ZDHHC2: variants seen among roughly 807,000 people sequenced by gnomAD.
The protein encoded by ZDHHC2 is palmitoyltransferase ZDHHC2.
A neutral mutation model predicts 55.6 loss-of-function variants in ZDHHC2; 51 were observed. The observed-to-expected ratio is 0.92, with a 90% CI of 0.73 to 1.16. The LOEUF is 1.16. Among genes scored for constraint, ZDHHC2 ranks in the 50% most tolerant of loss-of-function variants. The pLI is 0.00. For missense variants in ZDHHC2, 491 were observed against 442.4 expected (o/e 1.11, Z -0.99); for synonymous variants, 199 against 152.9 (o/e 1.30, Z -2.22).
At position 17,221,664 on chromosome 8, in the gene ZDHHC2, A is replaced by G. The variant is rs1004602966; in HGVS notation, c.*1443A>G. 1 of 152,528 alleles carries G rather than the reference A, an allele frequency of 6.6e-6. No homozygotes were observed. Among genetic ancestry groups the G allele is most frequent in the Non-Finnish European group, 1.5e-5 (1 of 67,938 alleles). 9.4% of individuals were successfully genotyped at this position (152,528 alleles called of 1,614,324 possible). A position where few individuals can be genotyped will look rare whatever the true frequency, so the allele number is the denominator to read the frequency against. On this transcript the variant is annotated 3_prime_UTR_variant, in exon 13 of 13. Transcript: ENST00000262096. ...GCAATTACTTATCCTTCCTAAAAAT[A>G]TAGTTTTATATTAATTGTGCTTATG...
intron 10 of ZDHHC2, among the ~76,000 whole-genome samples, chr8:17,213,483 C>T (rs757370153): frequency 6.6e-6 from 1 of 152,104 alleles, no homozygotes; most frequent in Non-Finnish European, 1.5e-5. Flanking sequence ...AACTTCCTGA[C>T]CTCAAGTGAT....
At chr8:17,186,642 G>A (rs527491193) in intron 3 of ZDHHC2, among the ~76,000 whole-genome samples, 25 of 152,256 alleles carry the variant, frequency 1.6e-4, no homozygotes, top group Admixed American at 8.5e-4. Flanking sequence ...TATTGAATCT[G>A]TTATGAATTC....
At chr8:17,191,400 T>C (rs948010209) in intron 3 of ZDHHC2, among the ~76,000 whole-genome samples, 6 of 152,188 alleles carry the variant, frequency 3.9e-5, no homozygotes, top group Non-Finnish European at 8.8e-5. Flanking sequence ...CCCAGCCTTA[T>C]TCATTCTTTC....
At chr8:17,211,950 T>C (rs1563169626) in intron 10 of ZDHHC2, among the ~76,000 whole-genome samples, 1 of 152,206 alleles carries the variant, frequency 6.6e-6, no homozygotes, top group African/African-American at 2.4e-5. Flanking sequence ...TTTATAATAC[T>C]TTTTTGCCCT....
intron 1 of ZDHHC2, among the ~76,000 whole-genome samples, chr8:17,163,231 C>T (rs560547504): frequency 1.1e-4 from 16 of 152,310 alleles, no homozygotes; most frequent in South Asian, 2.1e-4. Flanking sequence ...GCCTGGCAGC[C>T]GGTCACCACA....
At chr8:17,196,299 T>C (rs1371822883) in intron 4 of ZDHHC2, among the ~76,000 whole-genome samples, 1 of 152,160 alleles carries the variant, frequency 6.6e-6, no homozygotes, top group African/African-American at 2.4e-5. Context: ...CATGTGGCTG[T>C]TGAGCGCTTG....
At chr8:17,219,509 C>T (rs929554559) in intron 12 of ZDHHC2, among the ~76,000 whole-genome samples, 3 of 152,024 alleles carry the variant, frequency 2.0e-5, no homozygotes, top group South Asian at 2.1e-4. Context: ...GTAATTTCAG[C>T]ACTTGCGGAG....
Position 17,209,922 on chromosome 8 carries a change from C to CT in ZDHHC2, c.731-3dup, listed in dbSNP as rs1035397187. ...TTTACTCATGTGATTCCTTTACCAT[C>CT]TTTTTTTAGAGGCATTCAGAAGTCC... On this transcript the variant is annotated splice_polypyrimidine_tract_variant and intron_variant, in intron 8 of 12. Coordinates refer to ENST00000262096, the MANE Select transcript of ZDHHC2 (RefSeq NM_016353.5). 13 of 1,602,672 alleles carry CT rather than the reference C, an allele frequency of 8.1e-6. No homozygotes were observed. In the African/African-American group the frequency reaches 1.6e-4, roughly 20 times the overall value.
intron 1 of ZDHHC2, among the ~76,000 whole-genome samples, chr8:17,183,939 G>A (rs138160787): frequency 1.4e-3 from 216 of 152,204 alleles, no homozygotes; most frequent in African/African-American, 4.7e-3. Context: ...TCTGGTTCCA[G>A]GCTTCAGAAG....
At chr8:17,164,826 T>TTCTTATGTACAGATAAAAAGA (rs1177969335) in intron 1 of ZDHHC2, among the ~76,000 whole-genome samples, 51 of 152,342 alleles carry the variant, frequency 3.3e-4, no homozygotes, top group African/African-American at 1.2e-3. Flanking sequence ...TAAAATTAAA[T>TTCTTATGTACAGATAAAAAGA]TCTGTCTCTG....
rs1037808418 is a variant in ZDHHC2, at chr8:17,156,932, C to A, written c.130+79C>A. The A allele has an allele frequency of 3.0e-6, 4 of 1,320,356 alleles. No homozygotes were observed. The African/African-American group carries it at 4.7e-5, about 15-fold the overall frequency. 81.8% of individuals were successfully genotyped at this position (1,320,356 alleles called of 1,614,324 possible). A position where few individuals can be genotyped will look rare whatever the true frequency, so the allele number is the denominator to read the frequency against. On this transcript the variant is annotated intron_variant, in intron 1 of 12. Transcript: ENST00000262096. ...GTCCCGGGACGCTCAGCCGCTCCTC[C>A]GCTCTCGCCCCCCGGATGCGCCCCG...
chr8:17,158,605 A>G (rs886460463), intron 1 of ZDHHC2, among the ~76,000 whole-genome samples: 11 of 152,236 alleles, frequency 7.2e-5, no homozygotes, highest in Non-Finnish European at 1.3e-4. Context: ...AATTGGTATT[A>G]TATCTGAATC....
Position 17,208,073 on chromosome 8 carries a change from C to A in ZDHHC2, c.711C>A (p.Ser237Arg). The change falls in exon 8 of 13, where the codon AGC becomes AGA. Residue 237 changes from serine to arginine, a missense_variant. Transcript: ENST00000262096. ...TTGGCTATCATTGTTGGCTAGTCAGCAAAAATAAATCTACATTAGGTGAGT... is the reference window on the plus strand; with the variant it reads ...TTGGCTATCATTGTTGGCTAGTCAGAAAAAATAAATCTACATTAGGTGAGT... ...SLFGYHCWLVSKNKSTLEAFR... is the reference protein window; with the variant it reads ...SLFGYHCWLVRKNKSTLEAFR... The A allele has an allele frequency of 1.3e-6, 2 of 1,575,366 alleles. No individual in the cohort carries two copies. The highest frequency in any genetic ancestry group is 1.7e-4 in the Middle Eastern group (1 of 5,762).
chr8:17,205,602 C>T, intron 6 of ZDHHC2, 53 bp from the exon 7 acceptor site: 1 of 1,525,744 alleles, frequency 6.6e-7, no homozygotes. Context: ...AGCATATGCA[C>T]ATGTAGGTTG....
At chr8:17,175,408 A>G (rs942759770) in intron 1 of ZDHHC2, among the ~76,000 whole-genome samples, 2 of 152,184 alleles carry the variant, frequency 1.3e-5, no homozygotes, top group African/African-American at 4.8e-5. Flanking sequence ...TTTATTCCTA[A>G]CAACTTGGCA....
At chr8:17,157,740 G>T (rs1379934703) in intron 1 of ZDHHC2, among the ~76,000 whole-genome samples, 3 of 152,206 alleles carry the variant, frequency 2.0e-5, no homozygotes, top group Non-Finnish European at 1.5e-5. Flanking sequence ...AACAGAAAAT[G>T]ACCTTTCTGC....
In ZDHHC2 at chr8:17,210,010, A is replaced by T. The variant is rs1171423440; in HGVS notation, c.809A>T (p.Gln270Leu). The change falls in exon 9 of 13, where the codon CAA becomes CTA. Residue 270 changes from glutamine to leucine, a missense_variant. Coordinates refer to ENST00000262096, the MANE Select transcript of ZDHHC2 (RefSeq NM_016353.5). Reference protein sequence around the residue: ...FSLGFSKNMRQVFGDEKKYWL... With the variant: ...FSLGFSKNMRLVFGDEKKYWL... ...TTGGGTTTCAGTAAAAACATGCGAC[A>T]AGTTTTTGGTGATGAGAAGAAGTAC... 8.7e-6 allele frequency: 14 copies of T among 1,609,884 alleles called. No individual in the cohort carries two copies. The highest frequency in any genetic ancestry group is 1.7e-6 in the Non-Finnish European group (2 of 1,177,804).
At chr8:17,203,948 C>G (rs569175648) in intron 6 of ZDHHC2, among the ~76,000 whole-genome samples, 1 of 152,170 alleles carries the variant, frequency 6.6e-6, no homozygotes, top group South Asian at 2.1e-4. Context: ...TCTGGGACTA[C>G]AGGCGTGTAC....
intron 1 of ZDHHC2, among the ~76,000 whole-genome samples, chr8:17,181,201 TG>T (rs1805415145): frequency 6.6e-6 from 1 of 152,218 alleles, no homozygotes; most frequent in Non-Finnish European, 1.5e-5. Context: ...ACCAGTTTTA[TG>T]TGATTCAAAT....
Sources: gnomAD v4.1 joint callset for allele counts (sites outside exome capture counted in the v4.1 genomes callset) on GRCh38, gnomAD v4.1.1 for gene constraint, MANE v1.5 for transcripts, NCBI Gene and HGNC (gene_info 2026-07-23, HGNC 2026-07-21) for gene names.